STXBP5L: variants seen among roughly 807,000 people sequenced by gnomAD.
STXBP5L encodes syntaxin-binding protein 5-like.
In STXBP5L, 65 loss-of-function variants were observed where a neutral mutation model predicts 144.5. That is an observed-to-expected ratio of 0.45 (90% confidence interval 0.37 to 0.55). The LOEUF (loss-of-function observed/expected upper bound fraction) is 0.55. Among genes scored for constraint, STXBP5L ranks in the 20% least tolerant of loss-of-function variants. The pLI, the probability that STXBP5L is intolerant of heterozygous loss-of-function variation, is 0.00. For missense variants in STXBP5L, 1,298 were observed against 1,405.5 expected (o/e 0.92, Z 1.22); for synonymous variants, 505 against 469.6 (o/e 1.08, Z -0.97).
intron 9 of STXBP5L, among the ~76,000 whole-genome samples, chr3:121,195,500 A>T (rs1458326518): frequency 6.6e-6 from 1 of 152,092 alleles, no homozygotes; most frequent in African/African-American, 2.4e-5. Flanking sequence ...CCACTTTTGC[A>T]TATGTGAGAT....
chr3:120,980,153 G>T (rs1170777000), intron 3 of STXBP5L, among the ~76,000 whole-genome samples: 3 of 152,122 alleles, frequency 2.0e-5, no homozygotes, highest in Non-Finnish European at 2.9e-5. Flanking sequence ...GTATATTTTG[G>T]GGGATGTTTC....
At chr3:121,173,386 C>CA (rs2046807945) in intron 9 of STXBP5L, among the ~76,000 whole-genome samples, 1 of 150,994 alleles carries the variant, frequency 6.6e-6, no homozygotes, top group Non-Finnish European at 1.5e-5. Context: ...TCAGTAACAA[C>CA]AAAAAATGCT....
At chr3:121,339,152 T>C (rs556625934) in intron 20 of STXBP5L, among the ~76,000 whole-genome samples, 6 of 152,168 alleles carry the variant, frequency 3.9e-5, no homozygotes, top group African/African-American at 7.2e-5. Flanking sequence ...CTGATTAACA[T>C]AGATGCAGAA....
chr3:120,990,627 C>G (rs1261149707), intron 3 of STXBP5L, among the ~76,000 whole-genome samples: 2 of 152,074 alleles, frequency 1.3e-5, no homozygotes, highest in Non-Finnish European at 1.5e-5. Context: ...GGTACCAAAA[C>G]AGAGATATAG....
At chr3:121,053,795 A>G (rs1263294951) in intron 5 of STXBP5L, among the ~76,000 whole-genome samples, 4 of 152,186 alleles carry the variant, frequency 2.6e-5, no homozygotes, top group African/African-American at 7.2e-5. Flanking sequence ...ATCAGAGTGA[A>G]CAGGCAACCT....
At chr3:121,254,773 A>T in intron 15 of STXBP5L, 122 bp from the exon 16 acceptor site, 3 of 839,328 alleles carry the variant, frequency 3.6e-6, no homozygotes, top group Non-Finnish European at 5.4e-6. Context: ...ACTGGTTAAA[A>T]TGTAATTCAC....
intron 3 of STXBP5L, among the ~76,000 whole-genome samples, chr3:121,004,997 T>G (rs13319102): frequency 5.3e-5 from 8 of 152,118 alleles, no homozygotes; most frequent in Non-Finnish European, 1.0e-4. Flanking sequence ...ATCAGGGATG[T>G]TGGTCTAAAA....
At chr3:121,044,342 A>T (rs931552903) in intron 4 of STXBP5L, among the ~76,000 whole-genome samples, 6 of 152,162 alleles carry the variant, frequency 3.9e-5, no homozygotes, top group Non-Finnish European at 8.8e-5. Flanking sequence ...TTTTTGGCTT[A>T]GAAATTATTA....
intron 15 of STXBP5L, among the ~76,000 whole-genome samples, chr3:121,252,857 G>A (rs1164646967): frequency 1.3e-5 from 2 of 152,130 alleles, no homozygotes; most frequent in African/African-American, 4.8e-5. Flanking sequence ...TGGGGCTGAG[G>A]TTTCATGAGA....
chr3:121,068,900 CT>C, intron 5 of STXBP5L, among the ~76,000 whole-genome samples: 1 of 152,012 alleles, frequency 6.6e-6, no homozygotes, highest in East Asian at 1.9e-4. Context: ...TTTTAAAATA[CT>C]TTTTTATTTC....
Position 121,342,045 on chromosome 3 carries a change from C to T in STXBP5L, c.2176+23505C>T, listed in dbSNP as rs185591031. The stretch of plus-strand genomic sequence containing the variant: ...TAATTGCTTGATGTGATAGATATCA[C>T]ATTTACCCTGATTATTATACATTGT... On this transcript the variant is annotated intron_variant, in intron 20 of 26. Coordinates refer to ENST00000471454, the MANE Select transcript of STXBP5L (RefSeq NM_001308330.2). Among the ~76,000 whole-genome samples the T allele has an allele frequency of 3.1e-4, 47 of 152,118 alleles. No homozygotes were observed. In the East Asian group the frequency reaches 8.9e-3, roughly 29 times the overall value.
At chr3:121,049,907 C>T (rs192104407) in intron 5 of STXBP5L, among the ~76,000 whole-genome samples, 12 of 152,190 alleles carry the variant, frequency 7.9e-5, no homozygotes, top group Admixed American at 5.9e-4. Flanking sequence ...GTCTGGAAGC[C>T]CTGGTTGCAG....
intron 18 of STXBP5L, among the ~76,000 whole-genome samples, chr3:121,271,093 A>G (rs547348199): frequency 6.6e-6 from 1 of 152,318 alleles, no homozygotes; most frequent in African/African-American, 2.4e-5. Context: ...TTCACCCATT[A>G]CATTTAGCAT....
chr3:120,989,502 T>C (rs1313925433), intron 3 of STXBP5L, among the ~76,000 whole-genome samples: 1 of 152,116 alleles, frequency 6.6e-6, no homozygotes, highest in Non-Finnish European at 1.5e-5. Flanking sequence ...TGTTGTTGAG[T>C]TGTTTGAATT....
At chr3:121,163,003 G>A (rs573591196) in intron 9 of STXBP5L, among the ~76,000 whole-genome samples, 83 of 152,298 alleles carry the variant, frequency 5.4e-4, no homozygotes, top group Middle Eastern at 3.4e-3. Flanking sequence ...CATTGTGGAA[G>A]ACAGTCTGGC....
At chr3:121,346,723 T>G (rs1207780567) in intron 20 of STXBP5L, among the ~76,000 whole-genome samples, 1 of 152,238 alleles carries the variant, frequency 6.6e-6, no homozygotes, top group Non-Finnish European at 1.5e-5. Context: ...CATTTTTGTA[T>G]GTGTCTTTTG....
At chr3:120,981,559 G>A (rs1279577636) in intron 3 of STXBP5L, among the ~76,000 whole-genome samples, 3 of 151,988 alleles carry the variant, frequency 2.0e-5, no homozygotes, top group East Asian at 3.9e-4. Flanking sequence ...ATTATCCTTA[G>A]TAAGTTTTCG....
chr3:121,292,007 G>A (rs1445358171), intron 19 of STXBP5L, among the ~76,000 whole-genome samples: 1 of 152,162 alleles, frequency 6.6e-6, no homozygotes, highest in Non-Finnish European at 1.5e-5. Flanking sequence ...TAGACTTTAT[G>A]ACCAAGAACC....
chr3:121,166,437 T>A lies in STXBP5L; in HGVS notation c.877+8810T>A, dbSNP rs186824231. 2.6e-3 allele frequency among the ~76,000 whole-genome samples: 399 copies of A among 152,360 alleles called. 4 individuals are homozygous for A. Among genetic ancestry groups the A allele is most frequent in the African/African-American group, 9.0e-3 (373 of 41,588 alleles). ...ATGTATATTCTGCTTTTTGTGAAAT[T>A]AATTTTCTTAATTTCTATAATTAGT... is the stretch of plus-strand genomic sequence containing the variant. On this transcript the variant is annotated intron_variant, in intron 9 of 26. Transcript: ENST00000471454.
Sources: allele counts gnomAD v4.1 joint callset (sites outside exome capture counted in the v4.1 genomes callset), GRCh38; gene constraint gnomAD v4.1.1; transcripts MANE v1.5; gene names NCBI Gene and HGNC (gene_info 2026-07-23, HGNC 2026-07-21).